Variants in MARCHF1 observed in about 807,000 individuals in gnomAD.
MARCHF1 encodes E3 ubiquitin-protein ligase MARCHF1.
In MARCHF1, 40 loss-of-function variants were observed where a neutral mutation model predicts 54.2. The ratio of observed to expected loss-of-function variants is 0.74; its 90% CI spans 0.57 to 0.96. The LOEUF (loss-of-function observed/expected upper bound fraction) is 0.96, where lower values mean the gene tolerates loss of function less well. Ranked by LOEUF, MARCHF1 falls within the 40% of genes least tolerant of loss-of-function variation. MARCHF1 has a pLI of 0.00. For synonymous variants in MARCHF1, 236 were observed against 236.3 expected (o/e 1.00, Z 0.01); for missense variants, 586 against 656.5 (o/e 0.89, Z 1.17).
intron 1 of MARCHF1, among the ~76,000 whole-genome samples, chr4:164,312,713 C>T (rs1007819809): frequency 2.0e-5 from 3 of 152,126 alleles, no homozygotes; most frequent in Admixed American, 6.5e-5. Context: ...AGTCTCATAT[C>T]GCTCACAGTG....
Position 164,177,009 on chromosome 4 carries a change from T to TATATATATATATATAC in MARCHF1, c.-322-65348_-322-65347insGTATATATATATATAT, listed in dbSNP as rs1553989397. ...ATATATATATATATATATATATATA[T>TATATATATATATATAC]ACAAATGATAGAATTAGGCATGTTT... On this transcript the variant is annotated intron_variant, in intron 1 of 9. Coordinates refer to ENST00000514618, the MANE Select transcript of MARCHF1 (RefSeq NM_001394959.1). 2.4e-3 allele frequency among the ~76,000 whole-genome samples: 134 copies of TATATATATATATATAC among 55,510 alleles called. 14 individuals are homozygous for TATATATATATATATAC. Among genetic ancestry groups the TATATATATATATATAC allele is most frequent in the South Asian group, 0.012 (18 of 1,450 alleles). 36.4% of individuals were successfully genotyped at this position (55,510 alleles called of 152,430 possible). A position where few individuals can be genotyped will look rare whatever the true frequency, so the allele number is the denominator to read the frequency against.
At chr4:163,583,652 G>GTTTTTTTTTTTTTTTT (rs11350711) in intron 8 of MARCHF1, 2 of 123,826 alleles carry the variant, frequency 1.6e-5, no homozygotes, top group African/African-American at 3.1e-5. Flanking sequence ...TTTTTTGTGT[G>GTTTTTTTTTTTTTTTT]TTTTTTTTTT....
chr4:163,908,271 A>C (rs1751113393), intron 3 of MARCHF1, among the ~76,000 whole-genome samples: 1 of 152,162 alleles, frequency 6.6e-6, no homozygotes, highest in Non-Finnish European at 1.5e-5. Flanking sequence ...GTTTCAGTCA[A>C]CAATATTAAT....
chr4:163,964,294 ATAACTTAGTAGT>A (rs1186640772), intron 3 of MARCHF1, among the ~76,000 whole-genome samples: 1 of 152,028 alleles, frequency 6.6e-6, no homozygotes, highest in Non-Finnish European at 1.5e-5. Flanking sequence ...GTAGAAACTC[ATAACTTAGTAGT>A]TATTTAGTGA....
Position 164,029,072 on chromosome 4 carries a change from C to A in MARCHF1, c.-247-40363G>T, listed in dbSNP as rs75275519. Among the ~76,000 whole-genome samples, 485 of 152,168 alleles carry A rather than the reference C, an allele frequency of 3.2e-3. 3 individuals carry two copies. The highest frequency in any genetic ancestry group is 0.011 in the African/African-American group (468 of 41,534). ...AACCATTAATCTCCTGTGAGAAATG[C>A]GTAAGAAATATCACGCTTGCAAATT... On this transcript the variant is annotated intron_variant, in intron 2 of 9. Transcript: ENST00000514618.
At chr4:164,108,847 C>T (rs901145314) in intron 2 of MARCHF1, among the ~76,000 whole-genome samples, 1 of 151,922 alleles carries the variant, frequency 6.6e-6, no homozygotes, top group Non-Finnish European at 1.5e-5. Flanking sequence ...AAGCATAATC[C>T]TCTCTTAAGA....
chr4:164,344,307 T>C (rs1473108820), intron 1 of MARCHF1, among the ~76,000 whole-genome samples: 1 of 152,180 alleles, frequency 6.6e-6, no homozygotes, highest in Non-Finnish European at 1.5e-5. Context: ...AAATAATCTG[T>C]ACACTAAACT....
intron 8 of MARCHF1, 22 bp downstream of exon 8, chr4:163,585,726 AC>A (rs1482589273): frequency 6.6e-7 from 1 of 1,525,404 alleles, no homozygotes; most frequent in Non-Finnish European, 8.8e-7. Flanking sequence ...TCCCTCCCAA[AC>A]CAATTCCTAT....
At chr4:163,959,634 C>T (rs1226357769) in intron 3 of MARCHF1, among the ~76,000 whole-genome samples, 2 of 151,824 alleles carry the variant, frequency 1.3e-5, no homozygotes, top group African/African-American at 4.8e-5. Context: ...GAAACTGGAC[C>T]CCTTCCTTAC....
At chr4:164,366,788 T>A (rs1452358913) in intron 1 of MARCHF1, among the ~76,000 whole-genome samples, 1 of 151,972 alleles carries the variant, frequency 6.6e-6, no homozygotes, top group Non-Finnish European at 1.5e-5. Context: ...AAAAGTTTTA[T>A]ACATGTTTAT....
intron 7 of MARCHF1, among the ~76,000 whole-genome samples, chr4:163,612,007 G>A (rs907433): frequency 0.92 from 140,020 of 152,140 alleles, 64,551 homozygotes; most frequent in African/African-American, 0.98. Context: ...GCAAGACTCA[G>A]CTGAGTCAGC....
intron 3 of MARCHF1, among the ~76,000 whole-genome samples, chr4:163,915,705 C>T (rs1003374199): frequency 1.3e-5 from 2 of 151,996 alleles, no homozygotes; most frequent in Non-Finnish European, 2.9e-5. Flanking sequence ...TTCTATAAAC[C>T]TAAAACAATT....
chr4:164,037,418 G>C (rs1318965392), intron 2 of MARCHF1, among the ~76,000 whole-genome samples: 1 of 152,068 alleles, frequency 6.6e-6, no homozygotes, highest in African/African-American at 2.4e-5. Context: ...ATGAAAAAGT[G>C]AACTGATAAG....
chr4:164,119,272 T>A (rs1490415714), intron 1 of MARCHF1, among the ~76,000 whole-genome samples: 4 of 151,566 alleles, frequency 2.6e-5, no homozygotes, highest in Non-Finnish European at 4.4e-5. Flanking sequence ...TTTGAAGGGA[T>A]AATTAAAATC....
intron 1 of MARCHF1, among the ~76,000 whole-genome samples, chr4:164,368,300 C>A (rs1730938026): frequency 1.4e-5 from 2 of 147,562 alleles, no homozygotes; most frequent in African/African-American, 2.5e-5. Context: ...AATTTAAGAA[C>A]AAATGAAAAA....
At chr4:164,208,126 G>GGATT (rs1731665062) in intron 1 of MARCHF1, among the ~76,000 whole-genome samples, 1 of 152,098 alleles carries the variant, frequency 6.6e-6, no homozygotes. Context: ...CTGTGTCAAG[G>GGATT]GATTAACTCA....
chr4:164,027,364 A>G (rs1414355693), intron 2 of MARCHF1, among the ~76,000 whole-genome samples: 1 of 107,344 alleles, frequency 9.3e-6, no homozygotes, highest in African/African-American at 4.6e-5. Context: ...GGTACAGGTA[A>G]AAAAAAAAAA....
At chr4:164,149,165 A>G (rs763481099) in intron 1 of MARCHF1, among the ~76,000 whole-genome samples, 2 of 152,168 alleles carry the variant, frequency 1.3e-5, no homozygotes, top group Non-Finnish European at 2.9e-5. Context: ...TGCAATGACC[A>G]TAAATTTCCT....
chr4:163,895,014 C>T (rs1750773620), intron 3 of MARCHF1, among the ~76,000 whole-genome samples: 1 of 150,502 alleles, frequency 6.6e-6, no homozygotes, highest in African/African-American at 2.5e-5. Flanking sequence ...TACACATACA[C>T]ACACATATGC....
Sources: gnomAD v4.1 joint callset for allele counts (sites outside exome capture counted in the v4.1 genomes callset) on GRCh38, gnomAD v4.1.1 for gene constraint, MANE v1.5 for transcripts, NCBI Gene and HGNC (gene_info 2026-07-23, HGNC 2026-07-21) for gene names.